Variants in USP10 observed in about 807,000 individuals in gnomAD.
USP10 encodes ubiquitin specific peptidase 10.
A neutral mutation model predicts 84.5 loss-of-function variants in USP10; 22 were observed. The observed-to-expected ratio is 0.26, with a 90% CI of 0.19 to 0.37. The LOEUF is 0.37. Among genes scored for constraint, USP10 ranks in the 10% least tolerant of loss-of-function variants. USP10 has a pLI of 1.00. For synonymous variants in USP10, 454 were observed against 387.6 expected (o/e 1.17, Z -2.01); for missense variants, 1,019 against 998.9 (o/e 1.02, Z -0.27).
chr16:84,715,352 G>A (rs1160105069), intron 1 of USP10, among the ~76,000 whole-genome samples: 3 of 152,224 alleles, frequency 2.0e-5, no homozygotes, highest in Non-Finnish European at 4.4e-5. Context: ...GATAGCTAAG[G>A]CATAAGAAAC....
intron 2 of USP10, 150 bp downstream of exon 2, chr16:84,733,653 T>C (rs1567611241): frequency 1.9e-6 from 1 of 533,338 alleles, no homozygotes; most frequent in South Asian, 3.0e-5. Context: ...CCAACTAGAT[T>C]TGACTGACAT....
At chr16:84,770,244 A>G (rs1407384136) in intron 11 of USP10, among the ~76,000 whole-genome samples, 1 of 152,232 alleles carries the variant, frequency 6.6e-6, no homozygotes, top group Non-Finnish European at 1.5e-5. Context: ...CACTTTCAAC[A>G]GCAGATGTTT....
chr16:84,763,180 C>T (rs901867199), intron 9 of USP10, 92 bp downstream of exon 9: 3 of 673,356 alleles, frequency 4.5e-6, no homozygotes, highest in Admixed American at 2.5e-5. Context: ...CCCTGCCCCT[C>T]AGTCGTTTTC....
chr16:84,703,719 G>A (rs954417209), intron 1 of USP10, among the ~76,000 whole-genome samples: 1 of 152,228 alleles, frequency 6.6e-6, no homozygotes, highest in Non-Finnish European at 1.5e-5. Context: ...TTGTGAGCCA[G>A]TGGTCACCTT....
intron 5 of USP10, chr16:84,759,153 G>A (rs997336811): frequency 1.5e-5 from 9 of 600,462 alleles, no homozygotes; most frequent in Admixed American, 5.8e-5. Flanking sequence ...GAATACAAAC[G>A]ACTGACTGCT....
chr16:84,766,250 C>T (rs567471474), intron 10 of USP10, among the ~76,000 whole-genome samples: 5 of 152,348 alleles, frequency 3.3e-5, no homozygotes, highest in African/African-American at 1.2e-4. Flanking sequence ...AGTTGAGCAG[C>T]CATGTGACCT....
chr16:84,715,944 A>AC (rs1205576472), intron 1 of USP10, among the ~76,000 whole-genome samples: 5 of 152,150 alleles, frequency 3.3e-5, no homozygotes, highest in African/African-American at 1.2e-4. Flanking sequence ...CACCAGCCTG[A>AC]CCAAGAGAGT....
intron 1 of USP10, among the ~76,000 whole-genome samples, chr16:84,702,656 A>T (rs780154296): frequency 1.9e-4 from 29 of 152,296 alleles, no homozygotes; most frequent in Non-Finnish European, 3.5e-4. Context: ...TTAAAGTTAA[A>T]TTTGTCACTG....
Position 84,703,159 on chromosome 16 carries a change from A to C in USP10, c.21+3048A>C, listed in dbSNP as rs373115710. ...GGAAACATTTTGAGACCGGTAACTC[A>C]GCATTTTAGCAAAGACAAATAAATG... On this transcript the variant is annotated intron_variant, in intron 1 of 13. Coordinates refer to ENST00000219473, the MANE Select transcript of USP10 (RefSeq NM_005153.3). Among the ~76,000 whole-genome samples the C allele has an allele frequency of 4.6e-5, 7 of 152,348 alleles. No homozygotes were observed. In the South Asian group the frequency reaches 8.3e-4, roughly 18 times the overall value.
At chr16:84,752,468 T>C (rs1313044819) in intron 4 of USP10, among the ~76,000 whole-genome samples, 1 of 152,246 alleles carries the variant, frequency 6.6e-6, no homozygotes, top group Non-Finnish European at 1.5e-5. Context: ...TGGCCCGCCT[T>C]CCTCATTTTT....
chr16:84,756,348 T>G (rs2150842732), intron 4 of USP10, among the ~76,000 whole-genome samples: 1 of 152,316 alleles, frequency 6.6e-6, no homozygotes, highest in East Asian at 1.9e-4. Context: ...ATCCAAGCAC[T>G]TTGGGAGACC....
intron 1 of USP10, among the ~76,000 whole-genome samples, chr16:84,732,864 G>T (rs1170978590): frequency 6.6e-6 from 1 of 152,212 alleles, no homozygotes; most frequent in East Asian, 1.9e-4. Context: ...TGAATTCCGT[G>T]AAATCAGGCT....
At chr16:84,750,145 CGCCTG>C (rs1356856606) in intron 4 of USP10, among the ~76,000 whole-genome samples, 3 of 152,122 alleles carry the variant, frequency 2.0e-5, no homozygotes, top group Non-Finnish European at 2.9e-5. Flanking sequence ...CAGTGGCTCA[CGCCTG>C]TAATCCCAGC....
At chr16:84,760,671 A>G (rs1382590278) in intron 8 of USP10, among the ~76,000 whole-genome samples, 1 of 152,204 alleles carries the variant, frequency 6.6e-6, no homozygotes, top group Non-Finnish European at 1.5e-5. Flanking sequence ...TTATGTCTTC[A>G]TCATACTTAC....
At chr16:84,708,408 G>A (rs538264188) in intron 1 of USP10, among the ~76,000 whole-genome samples, 1 of 152,240 alleles carries the variant, frequency 6.6e-6, no homozygotes, top group East Asian at 1.9e-4. Flanking sequence ...ACAAGATCAC[G>A]CCACTTCACT....
chr16:84,741,888 G>C (rs770923415), intron 3 of USP10, among the ~76,000 whole-genome samples: 2 of 152,130 alleles, frequency 1.3e-5, no homozygotes, highest in African/African-American at 4.8e-5. Flanking sequence ...CCATTTCTCT[G>C]TGTCTGTCAC....
At chr16:84,775,445 C>G (rs1470206993) in intron 13 of USP10, among the ~76,000 whole-genome samples, 1 of 152,216 alleles carries the variant, frequency 6.6e-6, no homozygotes, top group African/African-American at 2.4e-5. Context: ...GAAGACCTTG[C>G]TCAAAGCGAA....
At chr16:84,742,704 T>C (rs1401044910) in intron 3 of USP10, among the ~76,000 whole-genome samples, 1 of 152,214 alleles carries the variant, frequency 6.6e-6, no homozygotes, top group Non-Finnish European at 1.5e-5. Flanking sequence ...CTCTCTGCCA[T>C]GCGGTGCAAG....
chr16:84,713,351 C>T (rs566737618), intron 1 of USP10, among the ~76,000 whole-genome samples: 1 of 152,136 alleles, frequency 6.6e-6, no homozygotes, highest in South Asian at 2.1e-4. Context: ...TGTGCCTGGG[C>T]CATCTTCTTA....
Sources: gnomAD v4.1 joint callset for allele counts (sites outside exome capture counted in the v4.1 genomes callset) on GRCh38, gnomAD v4.1.1 for gene constraint, MANE v1.5 for transcripts, NCBI Gene and HGNC (gene_info 2026-07-23, HGNC 2026-07-21) for gene names.